Variants in ZNF407 observed in about 807,000 individuals in gnomAD.
ZNF407 encodes the protein zinc finger protein 407.
Under a neutral mutation model 131.2 loss-of-function variants are expected in ZNF407, and 17 were observed. That is an observed-to-expected ratio of 0.13 (90% CI 0.09 to 0.19). The LOEUF (loss-of-function observed/expected upper bound fraction) is 0.19. Among genes scored for constraint, ZNF407 ranks in the 10% least tolerant of loss-of-function variants. The probability of loss-of-function intolerance (pLI) is 1.00; values close to 1 mark genes in which losing one functional copy is unlikely to be tolerated. For missense variants in ZNF407, 2,681 were observed against 2,830.6 expected, an observed-to-expected ratio of 0.95 and a Z score of 1.20; for synonymous variants, 1,156 against 1,062.0, an observed-to-expected ratio of 1.09 and a Z score of -1.72.
intron 4 of ZNF407, among the ~76,000 whole-genome samples, chr18:74,847,866 C>T (rs1332216042): frequency 1.4e-5 from 2 of 147,880 alleles, no homozygotes; most frequent in Non-Finnish European, 3.0e-5. Flanking sequence ...AAAAAAAAAA[C>T]ACGCTACCCA....
chr18:74,884,025 G>A (rs1433178087), intron 6 of ZNF407, among the ~76,000 whole-genome samples: 1 of 152,164 alleles, frequency 6.6e-6, no homozygotes, highest in Admixed American at 6.5e-5. Flanking sequence ...TTAGATTTAT[G>A]CATCCGTTTG....
At chr18:74,921,674 T>C (rs1305639717) in intron 8 of ZNF407, among the ~76,000 whole-genome samples, 1 of 152,192 alleles carries the variant, frequency 6.6e-6, no homozygotes, top group African/African-American at 2.4e-5. Context: ...AGATAATGGC[T>C]GTGAAGCCAG....
intron 3 of ZNF407, among the ~76,000 whole-genome samples, chr18:74,712,953 T>C (rs1967801251): frequency 6.6e-6 from 1 of 152,164 alleles, no homozygotes; most frequent in African/African-American, 2.4e-5. Context: ...CTTGGGCAGA[T>C]TTTTTCTTAG....
At position 74,620,452 on chromosome 18, in the gene ZNF407, T is replaced by C. The variant is rs924147400; in HGVS notation, c.-53-10515T>C. ...CCTGTCAGGATGGACTTCTGGTGAT[T>C]GTTTAGCTCTCATTTTGAGCATTAA... On this transcript the variant is annotated intron_variant, in intron 1 of 8. Transcript: ENST00000299687. Among the ~76,000 whole-genome samples the C allele has an allele frequency of 8.9e-4, 135 of 152,328 alleles. 1 individual carries two copies. The highest frequency in any genetic ancestry group is 3.0e-3 in the African/African-American group (124 of 41,560).
Position 75,063,545 on chromosome 18 carries a change from G to T in ZNF407, c.5824G>T (p.Val1942Phe), listed in dbSNP as rs745863798. Residue 1942 changes from valine to phenylalanine, a missense_variant, in exon 9 of 9, where the codon GTC becomes TTC. Transcript: ENST00000299687. This position sits in a 1 kb window ranked among gnomAD's most constrained non-coding sequence, Gnocchi z 6.6. ...GCTGGCTGATGGAGCCACCCAGGTG[G>T]TCGTCGTGGGGGGCTCCATGGAAGG... is the stretch of plus-strand genomic sequence containing the variant. ...EQLADGATQVVVVGGSMEGHG... is the reference protein window; with the variant it reads ...EQLADGATQVFVVGGSMEGHG... The T allele has an allele frequency of 1.3e-6, 2 of 1,568,578 alleles. No individual in the cohort carries two copies. The highest frequency in any genetic ancestry group is 1.2e-5 in the South Asian group (1 of 85,706).
At chr18:74,818,332 G>T (rs971034764) in intron 4 of ZNF407, among the ~76,000 whole-genome samples, 1 of 152,296 alleles carries the variant, frequency 6.6e-6, no homozygotes. Context: ...ATTAAAATGA[G>T]TTGTTCTTCT....
Position 74,627,898 on chromosome 18 carries a change from A to G in ZNF407, c.-53-3069A>G, listed in dbSNP as rs183300526. 4.6e-3 allele frequency among the ~76,000 whole-genome samples: 574 copies of G among 124,432 alleles called. 5 individuals carry two copies. The highest frequency in any genetic ancestry group is 0.017 in the African/African-American group (526 of 31,494). 81.6% of individuals were successfully genotyped at this position (124,432 alleles called of 152,430 possible). On this transcript the variant is annotated intron_variant, in intron 1 of 8. Transcript: ENST00000299687. The stretch of plus-strand genomic sequence containing the variant: ...TTCTCTTTCCTTTCTTTTTCGAGAC[A>G]GGGTCTCACTCTGTTGCCCAGGCTG...
At chr18:74,951,892 CAA>C (rs35813237) in intron 8 of ZNF407, among the ~76,000 whole-genome samples, 7 of 140,370 alleles carry the variant, frequency 5.0e-5, no homozygotes, top group African/African-American at 1.3e-4. Flanking sequence ...CAGGATCTGA[CAA>C]AAAAAAAAAC....
At chr18:74,931,850 G>A (rs1971986274) in intron 8 of ZNF407, among the ~76,000 whole-genome samples, 1 of 152,150 alleles carries the variant, frequency 6.6e-6, no homozygotes, top group Non-Finnish European at 1.5e-5. Flanking sequence ...CTTTGATGAA[G>A]TGTCTTTTGA....
At chr18:74,701,331 G>T (rs966734059) in intron 3 of ZNF407, among the ~76,000 whole-genome samples, 1 of 152,144 alleles carries the variant, frequency 6.6e-6, no homozygotes, top group Non-Finnish European at 1.5e-5. Flanking sequence ...GCATCTCATC[G>T]CAAAGAAATA....
intron 3 of ZNF407, among the ~76,000 whole-genome samples, chr18:74,705,167 A>G (rs1202744417): frequency 6.6e-6 from 1 of 151,662 alleles, no homozygotes; most frequent in African/African-American, 2.4e-5. Context: ...TTTTTAAACC[A>G]GAAAGTCCAA....
intron 8 of ZNF407, among the ~76,000 whole-genome samples, chr18:74,940,111 TAGA>T (rs1972080030): frequency 6.6e-6 from 1 of 152,166 alleles, no homozygotes; most frequent in Non-Finnish European, 1.5e-5. Context: ...TTCCGAGGAT[TAGA>T]AGAAACAAGT....
intron 4 of ZNF407, among the ~76,000 whole-genome samples, chr18:74,789,670 A>G (rs1969788944): frequency 6.6e-6 from 1 of 152,216 alleles, no homozygotes; most frequent in African/African-American, 2.4e-5. Context: ...GTGGATTCGC[A>G]GTGTTTCTGT....
chr18:74,718,587 C>A (rs771576709), intron 3 of ZNF407, among the ~76,000 whole-genome samples: 2 of 152,188 alleles, frequency 1.3e-5, no homozygotes, highest in Admixed American at 6.5e-5. Context: ...GCCTTGACTT[C>A]CTGTGCTCAA....
At chr18:74,622,380 C>T (rs929564597) in intron 1 of ZNF407, among the ~76,000 whole-genome samples, 1 of 152,248 alleles carries the variant, frequency 6.6e-6, no homozygotes, top group Non-Finnish European at 1.5e-5. Flanking sequence ...TTACCTTGCG[C>T]AGCCATTGCC....
intron 3 of ZNF407, among the ~76,000 whole-genome samples, chr18:74,641,525 C>G (rs1352984171): frequency 6.6e-6 from 1 of 151,898 alleles, no homozygotes; most frequent in African/African-American, 2.4e-5. Flanking sequence ...CTCTTTGGAT[C>G]CATTGGACTT....
intron 7 of ZNF407, among the ~76,000 whole-genome samples, chr18:74,911,548 T>G (rs1304605884): frequency 6.6e-6 from 1 of 152,238 alleles, no homozygotes; most frequent in African/African-American, 2.4e-5. Flanking sequence ...TGTTGTTGTT[T>G]TTTTAAAAGA....
At chr18:74,727,598 A>G (rs1016415657) in intron 3 of ZNF407, among the ~76,000 whole-genome samples, 1 of 152,188 alleles carries the variant, frequency 6.6e-6, no homozygotes, top group Admixed American at 6.5e-5. Context: ...TTTGCCACCA[A>G]CTGATTAAAC....
intron 7 of ZNF407, among the ~76,000 whole-genome samples, chr18:74,913,813 A>G (rs1385693155): frequency 6.6e-6 from 1 of 152,208 alleles, no homozygotes; most frequent in South Asian, 2.1e-4. Context: ...TCCATAGGTC[A>G]TAAGTGAGTG....
Sources: gnomAD v4.1 joint callset for allele counts (sites outside exome capture counted in the v4.1 genomes callset) on GRCh38, gnomAD v4.1.1 for gene constraint, Gnocchi (gnomAD v3.1) non-coding constraint, MANE v1.5 for transcripts, NCBI Gene and HGNC (gene_info 2026-07-23, HGNC 2026-07-21) for gene names.